PCDHGA8: variants seen among roughly 807,000 people sequenced by gnomAD.
The protein encoded by PCDHGA8 is protocadherin gamma subfamily A, 8.
A neutral mutation model predicts 59.2 loss-of-function variants in PCDHGA8; 45 were observed. The observed-to-expected ratio is 0.76, with a 90% CI of 0.60 to 0.98. The LOEUF (loss-of-function observed/expected upper bound fraction) is 0.98, where lower values mean the gene tolerates loss of function less well. Among genes scored for constraint, PCDHGA8 ranks in the 50% least tolerant of loss-of-function variants. The probability of loss-of-function intolerance (pLI) is 0.00; values close to 1 mark genes in which losing one functional copy is unlikely to be tolerated. For synonymous variants in PCDHGA8, 531 were observed against 519.0 expected, an observed-to-expected ratio of 1.02 and a Z score of -0.32; for missense variants, 1,257 against 1,196.2, an observed-to-expected ratio of 1.05 and a Z score of -0.75.
intron 1 of PCDHGA8, among the ~76,000 whole-genome samples, chr5:141,456,250 C>T (rs1244300374): frequency 4.6e-5 from 7 of 152,014 alleles, no homozygotes; most frequent in African/African-American, 1.7e-4. Context: ...AGGCTTTGGG[C>T]GACCATTGCT....
rs1380354099 is a variant in PCDHGA8, at chr5:141,394,203, A to G, written c.1390A>G (p.Asn464Asp). The part of the protein sequence containing the change: ...HASYSAYILE[N>D]NLRGASIFSL... ...CTCCTACTCAGCGTATATCCTAGAG[A>G]ACAACCTGAGAGGAGCCTCCATCTT... The change falls in exon 1 of 4, where the codon AAC becomes GAC. Residue 464 changes from asparagine to aspartate, a missense_variant. Asn to Asp is a conservative substitution (Grantham distance 23). Transcript: ENST00000398604. The G allele has an allele frequency of 6.2e-7, 1 of 1,613,814 alleles. No homozygotes were observed. Among genetic ancestry groups the G allele is most frequent in the Non-Finnish European group, 8.5e-7 (1 of 1,179,862 alleles).
At position 141,394,441 on chromosome 5, in the gene PCDHGA8, G is replaced by A. The variant is rs1161641966; in HGVS notation, c.1628G>A (p.Ser543Asn). ...TASDSGDPPLSSNMSLSLFVL... is the reference protein window; with the variant it reads ...TASDSGDPPLNSNMSLSLFVL... ...AGCGACAGCGGGGACCCGCCCCTCAGCAGCAACATGTCACTGAGCCTGTTC... is the reference window on the plus strand; with the variant it reads ...AGCGACAGCGGGGACCCGCCCCTCAACAGCAACATGTCACTGAGCCTGTTC... Residue 543 changes from serine (S) to asparagine (N), a missense_variant, in exon 1 of 4, where the codon AGC becomes AAC. By Grantham distance (46) the Ser-to-Asn change is conservative (BLOSUM62 1). Transcript: ENST00000398604. 1 of 1,614,236 alleles carries A rather than the reference G, an allele frequency of 6.2e-7. No homozygotes were observed. The highest frequency in any genetic ancestry group is 1.7e-5 in the Admixed American group (1 of 60,034).
chr5:141,421,353 G>C, intron 1 of PCDHGA8: 1 of 1,613,998 alleles, frequency 6.2e-7, no homozygotes, highest in Non-Finnish European at 8.5e-7. Flanking sequence ...AGACCGAAAA[G>C]GGCTCCTTCG....
At chr5:141,404,215 G>T (rs1372288822) in intron 1 of PCDHGA8, 15 of 1,613,346 alleles carry the variant, frequency 9.3e-6, no homozygotes, top group Non-Finnish European at 1.3e-5. Context: ...ATAATATCAC[G>T]GTGACTGCAA....
rs1330257915 is a variant in PCDHGA8 at position 141,486,153 on chromosome 5, C to T, written c.2425-8654C>T. Reference sequence around the variant, plus strand: ...GATGTGCGGGCTCGCGATGGGGGTTCTCCAGCCATGGAGCAACATTGCAGC... The same window carrying T: ...GATGTGCGGGCTCGCGATGGGGGTTTTCCAGCCATGGAGCAACATTGCAGC... On this transcript the variant is annotated intron_variant, in intron 1 of 3. Transcript: ENST00000398604. This position sits in a 1 kb window ranked among gnomAD's most constrained non-coding sequence, Gnocchi z 5.0. 1 of 1,614,084 alleles carries T rather than the reference C, an allele frequency of 6.2e-7. No homozygotes were observed. Among genetic ancestry groups the T allele is most frequent in the Non-Finnish European group, 8.5e-7 (1 of 1,180,036 alleles).
Position 141,393,114 on chromosome 5 carries a change from C to A in PCDHGA8, c.301C>A (p.Arg101=), listed in dbSNP as rs750579370. ...GGAGGAGCTCTGCGCTCAGAGCCCG[C>A]GGTGTCTGATAAATATTAACACCCT... ...DREELCAQSP[R]CLININTLVE... is the part of the protein sequence containing the mutation. The change falls in exon 1 of 4, where the codon CGG becomes AGG. Residue 101 remains arginine, a synonymous_variant. Transcript: ENST00000398604. 1.9e-6 allele frequency: 3 copies of A among 1,613,300 alleles called. No homozygotes were observed. The highest frequency in any genetic ancestry group is 2.2e-5 in the South Asian group (2 of 91,086).
chr5:141,440,780 C>T (rs748247053), intron 1 of PCDHGA8: 1 of 152,158 alleles, frequency 6.6e-6, no homozygotes, highest in African/African-American at 2.4e-5. Flanking sequence ...GTGCTAGCAG[C>T]CTTAGACGGC....
chr5:141,455,401 A>G (rs1252870027), intron 1 of PCDHGA8, among the ~76,000 whole-genome samples: 1 of 152,158 alleles, frequency 6.6e-6, no homozygotes, highest in Non-Finnish European at 1.5e-5. Context: ...TCCCCCTTAC[A>G]GAGACAGAGG....
rs2233600 is a variant in PCDHGA8, at chr5:141,489,134, A to C, written c.2425-5673A>C. 9,827 of 731,232 alleles carry C rather than the reference A, an allele frequency of 0.013. 1,099 individuals are homozygous for C. The East Asian group carries it at 0.25, about 19-fold the overall frequency. The allele number at this position is 731,232 out of a possible 1,614,324, so 45.3% of individuals were successfully genotyped here. A position where few individuals can be genotyped will look rare whatever the true frequency, so the allele number is the denominator to read the frequency against. Reference sequence around the variant, plus strand: ...GGCAAACCTCCGAGCAGTTTTTAAGAGGCTGGAAGGAGACATAAGAGACTT... The same window carrying C: ...GGCAAACCTCCGAGCAGTTTTTAAGCGGCTGGAAGGAGACATAAGAGACTT... On this transcript the variant is annotated intron_variant, in intron 1 of 3. Transcript: ENST00000398604. The surrounding 1 kb of genome is among the most constrained non-coding windows in gnomAD (Gnocchi z 4.5).
At chr5:141,464,870 C>G (rs1488189681) in intron 1 of PCDHGA8, among the ~76,000 whole-genome samples, 1 of 152,126 alleles carries the variant, frequency 6.6e-6, no homozygotes, top group Non-Finnish European at 1.5e-5. Flanking sequence ...TCCCAAGTAG[C>G]TAGGACTACA....
At chr5:141,469,438 G>T (rs2099201339) in intron 1 of PCDHGA8, among the ~76,000 whole-genome samples, 1 of 152,112 alleles carries the variant, frequency 6.6e-6, no homozygotes, top group African/African-American at 2.4e-5. Flanking sequence ...AGCTGGGCGT[G>T]GTGGTGCACA....
intron 1 of PCDHGA8, among the ~76,000 whole-genome samples, chr5:141,444,933 G>A (rs1004890599): frequency 3.3e-5 from 5 of 152,152 alleles, no homozygotes; most frequent in African/African-American, 1.2e-4. Context: ...AAAGAGGGAA[G>A]GAGGGAGGAG....
At chr5:141,421,189 C>G in intron 1 of PCDHGA8, 1 of 1,477,674 alleles carries the variant, frequency 6.8e-7, no homozygotes, top group Non-Finnish European at 9.0e-7. Flanking sequence ...CACAACCAAC[C>G]AGCTCGAGAA....
At chr5:141,409,096 A>T (rs968537361) in intron 1 of PCDHGA8, 8 of 1,613,956 alleles carry the variant, frequency 5.0e-6, no homozygotes, top group African/African-American at 1.3e-5. Flanking sequence ...ATGAGAAAAC[A>T]GGTATGATTA....
chr5:141,448,803 G>A (rs2098607666), intron 1 of PCDHGA8, among the ~76,000 whole-genome samples: 2 of 152,020 alleles, frequency 1.3e-5, no homozygotes, highest in South Asian at 4.1e-4. Flanking sequence ...AAATTAGCCA[G>A]GCGTGATGGC....
intron 3 of PCDHGA8, among the ~76,000 whole-genome samples, chr5:141,506,132 G>T (rs114930087): frequency 1.2e-4 from 18 of 152,310 alleles, no homozygotes; most frequent in African/African-American, 4.3e-4. Context: ...CAGAGCAGGA[G>T]AAGAAGAATA....
rs759128487 is a variant in PCDHGA8 at position 141,394,353 on chromosome 5, C to G, written c.1540C>G (p.Leu514Val). ...CTCCATCAACTCTGACACCGGTGTC[C>G]TGTATGCGCTGCAATCTTTCGACTA... is the stretch of plus-strand genomic sequence containing the variant. The part of the protein sequence containing the change: ...YISINSDTGV[L>V]YALQSFDYEQ... Residue 514 changes from leucine (L) to valine (V), a missense_variant, in exon 1 of 4, where the codon CTG becomes GTG. Transcript: ENST00000398604. 11 of 1,614,178 alleles carry G rather than the reference C, an allele frequency of 6.8e-6. No homozygotes were observed. The highest frequency in any genetic ancestry group is 4.5e-5 in the East Asian group (2 of 44,872).
chr5:141,455,343 G>A (rs1462807460), intron 1 of PCDHGA8, among the ~76,000 whole-genome samples: 1 of 152,036 alleles, frequency 6.6e-6, no homozygotes, highest in African/African-American at 2.4e-5. Flanking sequence ...TTTAAGGAGC[G>A]GAGAGTTTAA....
chr5:141,430,987 C>T (rs1171599563), intron 1 of PCDHGA8: 2 of 1,613,690 alleles, frequency 1.2e-6, no homozygotes, highest in African/African-American at 2.7e-5. Context: ...AGCTTTTCGC[C>T]CTGAATCCGC....
Sources: allele counts gnomAD v4.1 joint callset (sites outside exome capture counted in the v4.1 genomes callset), GRCh38; gene constraint gnomAD v4.1.1; non-coding constraint Gnocchi (gnomAD v3.1); transcripts MANE v1.5; gene names NCBI Gene and HGNC (gene_info 2026-07-23, HGNC 2026-07-21).